THSD7B: variants seen among roughly 807,000 people sequenced by gnomAD.
THSD7B encodes the protein thrombospondin type 1 domain containing 7B, also known as thrombospondin type-1 domain-containing protein 7B.
Under a neutral mutation model 213.6 loss-of-function variants are expected in THSD7B, and 138 were observed. The ratio of observed to expected loss-of-function variants is 0.65; its 90% CI spans 0.56 to 0.74. THSD7B has a LOEUF of 0.74. THSD7B is among the 30% of genes least tolerant of loss of function. The pLI is 0.00. For synonymous variants in THSD7B, 742 were observed against 687.0 expected (o/e 1.08, Z -1.25); for missense variants, 1,931 against 1,991.5 (o/e 0.97, Z 0.58).
chr2:137,006,840 T>C (rs1686123205), intron 2 of THSD7B, among the ~76,000 whole-genome samples: 1 of 152,198 alleles, frequency 6.6e-6, no homozygotes, highest in Non-Finnish European at 1.5e-5. Flanking sequence ...AGCCATACAG[T>C]TTTAAAAGAT....
At chr2:137,610,158 A>G (rs1682261658) in intron 17 of THSD7B, among the ~76,000 whole-genome samples, 1 of 152,152 alleles carries the variant, frequency 6.6e-6, no homozygotes. Flanking sequence ...AACCACCTAG[A>G]GGACTCATTA....
chr2:137,546,362 T>TA (rs1491491085), intron 15 of THSD7B, among the ~76,000 whole-genome samples: 3,241 of 55,262 alleles, frequency 0.059, 421 homozygotes, highest in Non-Finnish European at 0.089. Context: ...TATATATATA[T>TA]TATATATATA....
chr2:137,199,568 G>A (rs1474586446), intron 7 of THSD7B, among the ~76,000 whole-genome samples: 1 of 152,120 alleles, frequency 6.6e-6, no homozygotes, highest in Non-Finnish European at 1.5e-5. Flanking sequence ...GATCTACTTG[G>A]TTTTGTGATG....
intron 2 of THSD7B, among the ~76,000 whole-genome samples, chr2:136,946,747 G>T (rs1040776712): frequency 6.6e-6 from 1 of 152,178 alleles, no homozygotes; most frequent in African/African-American, 2.4e-5. Context: ...AGTCTACTGC[G>T]CTAGCAGTGA....
intron 15 of THSD7B, among the ~76,000 whole-genome samples, chr2:137,483,215 G>A (rs1037456701): frequency 5.9e-5 from 9 of 152,182 alleles, no homozygotes; most frequent in Non-Finnish European, 7.3e-5. Context: ...AATGTTCTAC[G>A]TGCATTATCT....
chr2:137,431,105 C>T (rs1278870852), intron 14 of THSD7B, among the ~76,000 whole-genome samples: 1 of 152,116 alleles, frequency 6.6e-6, no homozygotes, highest in Non-Finnish European at 1.5e-5. Context: ...GAACATGTGC[C>T]CAAGGTGGTC....
At chr2:137,276,064 G>A (rs753111384) in intron 12 of THSD7B, 38 bp downstream of exon 12, 36 of 1,468,054 alleles carry the variant, frequency 2.5e-5, no homozygotes, top group East Asian at 4.6e-5. Context: ...TTATTAATAC[G>A]TAAGTTAACA....
intron 12 of THSD7B, among the ~76,000 whole-genome samples, chr2:137,344,889 G>A (rs1684842843): frequency 2.0e-5 from 3 of 151,630 alleles, no homozygotes; most frequent in Non-Finnish European, 3.0e-5. Context: ...ATATATGTAT[G>A]TTATCAAAGG....
intron 1 of THSD7B, among the ~76,000 whole-genome samples, chr2:136,860,777 G>A (rs1463570829): frequency 1.3e-5 from 2 of 152,196 alleles, no homozygotes; most frequent in African/African-American, 4.8e-5. Flanking sequence ...TGACGTCACT[G>A]TTCTGTTCAA....
chr2:137,331,019 A>G (rs1684492504), intron 12 of THSD7B, among the ~76,000 whole-genome samples: 1 of 152,220 alleles, frequency 6.6e-6, no homozygotes, highest in East Asian at 1.9e-4. Flanking sequence ...CAGAGCAGCT[A>G]GATACAGAGT....
At chr2:136,913,954 A>T (rs2435393) in intron 2 of THSD7B, among the ~76,000 whole-genome samples, 74,360 of 151,958 alleles carry the variant, frequency 0.49, 19,218 homozygotes, top group Non-Finnish European at 0.58. Flanking sequence ...CTCCAGACCC[A>T]TGAATTGTAG....
chr2:136,882,310 G>A lies in THSD7B; in HGVS notation c.132G>A (p.Trp44Ter). 1 of 1,532,290 alleles carries A rather than the reference G, an allele frequency of 6.5e-7. No individual in the cohort carries two copies. The highest frequency in any genetic ancestry group is 2.5e-5 in the East Asian group (1 of 39,548). 94.9% of individuals were successfully genotyped at this position (1,532,290 alleles called of 1,614,324 possible). A position where few individuals can be genotyped will look rare whatever the true frequency, so the allele number is the denominator to read the frequency against. The change falls in exon 2 of 28, where the codon TGG becomes TGA. Residue 44 changes from tryptophan (W) to a stop codon, truncating the protein, a stop_gained. Transcript: ENST00000409968. LOFTEE classifies it high-confidence loss of function. ...GCAAAAAGGATAATCAGTTCATCTG[G>A]AAACCAGGTAGGAATGTCCTGGCTG... ...LEGKKDNQFI[W>*]KPGPWGRCTG...
At chr2:137,322,565 G>T (rs1684284659) in intron 12 of THSD7B, among the ~76,000 whole-genome samples, 1 of 152,176 alleles carries the variant, frequency 6.6e-6, no homozygotes, top group South Asian at 2.1e-4. Flanking sequence ...CATCTATCAA[G>T]ACAGTGTGGG....
intron 2 of THSD7B, among the ~76,000 whole-genome samples, chr2:137,046,448 A>C (rs898010517): frequency 1.3e-5 from 2 of 152,058 alleles, no homozygotes; most frequent in African/African-American, 4.8e-5. Context: ...TAAGAGACCC[A>C]GCGGGGTGTG....
chr2:137,163,228 A>G (rs1680053919), intron 6 of THSD7B, among the ~76,000 whole-genome samples: 1 of 152,168 alleles, frequency 6.6e-6, no homozygotes, highest in African/African-American at 2.4e-5. Context: ...CATCATTCAT[A>G]AGACACCACT....
intron 17 of THSD7B, among the ~76,000 whole-genome samples, chr2:137,594,624 G>C (rs1681926393): frequency 6.6e-6 from 1 of 151,920 alleles, no homozygotes; most frequent in South Asian, 2.1e-4. Flanking sequence ...TGTTGACTTA[G>C]ACTGAGTCTA....
At chr2:136,881,755 T>C (rs1342131649) in intron 1 of THSD7B, among the ~76,000 whole-genome samples, 1 of 152,162 alleles carries the variant, frequency 6.6e-6, no homozygotes, top group Non-Finnish European at 1.5e-5. Context: ...ACCTCAGGCT[T>C]TTGTTTCTTT....
At chr2:136,974,541 A>G (rs552754050) in intron 2 of THSD7B, among the ~76,000 whole-genome samples, 1 of 152,240 alleles carries the variant, frequency 6.6e-6, no homozygotes, top group East Asian at 1.9e-4. Flanking sequence ...ATTCCTTTTA[A>G]TGGCTGCATA....
At chr2:136,897,589 G>A (rs7600237) in intron 2 of THSD7B, among the ~76,000 whole-genome samples, 30,725 of 152,058 alleles carry the variant, frequency 0.2, 4,212 homozygotes, top group East Asian at 0.68. Flanking sequence ...AAAGAACAAA[G>A]CTTCCACAGT....
Sources: allele counts gnomAD v4.1 joint callset (sites outside exome capture counted in the v4.1 genomes callset), GRCh38; gene constraint gnomAD v4.1.1; transcripts MANE v1.5; gene names NCBI Gene and HGNC (gene_info 2026-07-23, HGNC 2026-07-21).